SYT9: variants seen among roughly 807,000 people sequenced by gnomAD.
SYT9 encodes synaptotagmin 9, also known as synaptotagmin-9.
Under a neutral mutation model 48.4 loss-of-function variants are expected in SYT9, and 22 were observed. That is an observed-to-expected ratio of 0.45 (90% CI 0.32 to 0.65). SYT9 has a LOEUF of 0.65. Ranked by LOEUF, SYT9 falls within the 30% of genes least tolerant of loss-of-function variation. SYT9 has a pLI of 0.03. For missense variants in SYT9, 577 were observed against 622.0 expected, an observed-to-expected ratio of 0.93 and a Z score of 0.77; for synonymous variants, 265 against 245.0, an observed-to-expected ratio of 1.08 and a Z score of -0.76.
At chr11:7,411,223 A>C (rs145046304) in intron 3 of SYT9, among the ~76,000 whole-genome samples, 15 of 151,978 alleles carry the variant, frequency 9.9e-5, no homozygotes, top group African/African-American at 3.4e-4. Flanking sequence ...ATCGTTTTGT[A>C]TGTTCTTTAT....
chr11:7,389,265 C>G (rs1192807571), intron 3 of SYT9, among the ~76,000 whole-genome samples: 1 of 152,056 alleles, frequency 6.6e-6, no homozygotes, highest in African/African-American at 2.4e-5. Flanking sequence ...CTGGGGACCC[C>G]TGACACAATG....
At chr11:7,275,205 G>GTAGT (rs150106964) in intron 1 of SYT9, among the ~76,000 whole-genome samples, 2,223 of 152,120 alleles carry the variant, frequency 0.015, 53 homozygotes, top group African/African-American at 0.049. Context: ...CTTTGCCAGT[G>GTAGT]TAGTTATTCT....
intron 1 of SYT9, among the ~76,000 whole-genome samples, chr11:7,261,665 G>A (rs558609110): frequency 6.6e-6 from 1 of 152,074 alleles, no homozygotes; most frequent in Non-Finnish European, 1.5e-5. Flanking sequence ...AATGAGTAAA[G>A]GTCAGAAGGA....
intron 3 of SYT9, among the ~76,000 whole-genome samples, chr11:7,369,280 GA>G (rs1341037594): frequency 6.6e-6 from 1 of 151,586 alleles, no homozygotes; most frequent in Non-Finnish European, 1.5e-5. Flanking sequence ...CTTCTTTTGA[GA>G]AGTGTCTGTT....
At position 7,367,234 on chromosome 11, in the gene SYT9, A is replaced by G. The variant is rs918103650; in HGVS notation, c.1045-48808A>G. ...GTAGCTGGAACTACAGGCGCCCGCC[A>G]CTACGCCCGGCTAATTTTTTTTTTT... On this transcript the variant is annotated intron_variant, in intron 3 of 6. Coordinates refer to ENST00000318881, the MANE Select transcript of SYT9 (RefSeq NM_175733.4). Among the ~76,000 whole-genome samples, 7 of 140,858 alleles carry G rather than the reference A, an allele frequency of 5.0e-5. No individual in the cohort carries two copies. In the East Asian group the frequency reaches 1.0e-3, roughly 21 times the overall value. 92.4% of individuals were successfully genotyped at this position (140,858 alleles called of 152,430 possible).
At chr11:7,301,214 C>T (rs1184835066) in intron 1 of SYT9, among the ~76,000 whole-genome samples, 2 of 152,116 alleles carry the variant, frequency 1.3e-5, no homozygotes, top group African/African-American at 4.8e-5. Context: ...AAACTTCAAC[C>T]CCAGTATTTT....
intron 4 of SYT9, among the ~76,000 whole-genome samples, 154 bp downstream of exon 4, chr11:7,416,316 T>C (rs1337933234): frequency 6.6e-6 from 1 of 152,212 alleles, no homozygotes; most frequent in Non-Finnish European, 1.5e-5. Context: ...GGGCAAGTCA[T>C]TTTACCTCTC....
At chr11:7,399,301 A>T (rs1846828584) in intron 3 of SYT9, among the ~76,000 whole-genome samples, 1 of 152,182 alleles carries the variant, frequency 6.6e-6, no homozygotes, top group Non-Finnish European at 1.5e-5. Flanking sequence ...AAGTTAATTT[A>T]AAAAATTGAA....
rs188736862 is a variant in SYT9, at chr11:7,310,733, A to G, written c.498-2662A>G. Reference sequence around the variant, plus strand: ...AGTGCTGGGATTACAGGCATGAGCCACTGCACCCGGCTTGTGATTGGTTTT... The same window carrying G: ...AGTGCTGGGATTACAGGCATGAGCCGCTGCACCCGGCTTGTGATTGGTTTT... On this transcript the variant is annotated intron_variant, in intron 2 of 6. Coordinates refer to ENST00000318881, the MANE Select transcript of SYT9 (RefSeq NM_175733.4). Among the ~76,000 whole-genome samples the G allele has an allele frequency of 1.7e-3, 262 of 152,232 alleles. 1 individual carries two copies. Among genetic ancestry groups the G allele is most frequent in the Non-Finnish European group, 3.1e-3 (214 of 67,996 alleles).
At chr11:7,375,580 C>G (rs1850438239) in intron 3 of SYT9, among the ~76,000 whole-genome samples, 2 of 151,138 alleles carry the variant, frequency 1.3e-5, no homozygotes, top group Admixed American at 1.3e-4. Flanking sequence ...TTTGTGTCCT[C>G]TCTTATTTCC....
At chr11:7,305,443 A>G (rs1386614208) in intron 2 of SYT9, among the ~76,000 whole-genome samples, 2 of 152,184 alleles carry the variant, frequency 1.3e-5, no homozygotes, top group Non-Finnish European at 2.9e-5. Flanking sequence ...TCTCACCACA[A>G]TAAGAGCAGT....
chr11:7,305,151 A>C (rs964959384), intron 2 of SYT9, among the ~76,000 whole-genome samples: 4 of 152,212 alleles, frequency 2.6e-5, no homozygotes, highest in Non-Finnish European at 5.9e-5. Flanking sequence ...ATTGGGTAGA[A>C]GGAAAAAAAT....
rs77588192 is a variant in SYT9 at position 7,379,199 on chromosome 11, T to C, written c.1045-36843T>C. On this transcript the variant is annotated intron_variant, in intron 3 of 6. Transcript: ENST00000318881. ...CTTTGTTTTAGCCAAGGACTCTCCT[T>C]GACTAGACATGCTCCCTGGGGAAAT... Among the ~76,000 whole-genome samples, 1,328 of 152,276 alleles carry C rather than the reference T, an allele frequency of 8.7e-3. 21 individuals are homozygous for C. The highest frequency in any genetic ancestry group is 0.03 in the African/African-American group (1,261 of 41,562).
At chr11:7,335,991 C>A (rs1450383658) in intron 3 of SYT9, among the ~76,000 whole-genome samples, 2 of 152,162 alleles carry the variant, frequency 1.3e-5, no homozygotes, top group Non-Finnish European at 2.9e-5. Context: ...TCTCCATAAC[C>A]TTGCCAGCGT....
intron 3 of SYT9, among the ~76,000 whole-genome samples, chr11:7,411,548 C>A (rs942678904): frequency 2.6e-5 from 4 of 152,138 alleles, no homozygotes; most frequent in African/African-American, 9.7e-5. Context: ...GAATATGTCT[C>A]TCTTGCCCTG....
chr11:7,343,001 C>T (rs965471558), intron 3 of SYT9, among the ~76,000 whole-genome samples: 2 of 152,210 alleles, frequency 1.3e-5, no homozygotes, highest in Non-Finnish European at 2.9e-5. Context: ...CCCTTTTAGC[C>T]ATGGCTAGTG....
At chr11:7,390,873 C>T (rs1430090642) in intron 3 of SYT9, among the ~76,000 whole-genome samples, 3 of 151,994 alleles carry the variant, frequency 2.0e-5, no homozygotes, top group South Asian at 2.1e-4. Flanking sequence ...AGGTTTGTTA[C>T]GAGGGTGTGT....
At chr11:7,356,175 C>T (rs921586339) in intron 3 of SYT9, among the ~76,000 whole-genome samples, 6 of 152,112 alleles carry the variant, frequency 3.9e-5, no homozygotes, top group African/African-American at 1.2e-4. Flanking sequence ...AGTCAAAAAA[C>T]GGTGATGATC....
intron 5 of SYT9, among the ~76,000 whole-genome samples, chr11:7,419,475 G>C (rs957650063): frequency 1.3e-5 from 2 of 152,110 alleles, no homozygotes; most frequent in Non-Finnish European, 2.9e-5. Flanking sequence ...GAGAAAGTAT[G>C]TGAGTTTGGA....
Sources: allele counts gnomAD v4.1 joint callset (sites outside exome capture counted in the v4.1 genomes callset), GRCh38; gene constraint gnomAD v4.1.1; transcripts MANE v1.5; gene names NCBI Gene and HGNC (gene_info 2026-07-23, HGNC 2026-07-21).